The following LIG3 variants were observed in gnomAD, a reference collection of about 807,000 sequenced individuals.
LIG3 encodes ligase II, DNA, ATP-dependent.
Under a neutral mutation model 110.9 loss-of-function variants are expected in LIG3, and 58 were observed. That is an observed-to-expected ratio of 0.52 (90% CI 0.42 to 0.65). The LOEUF is 0.65. LIG3 is among the 30% of genes least tolerant of loss of function. The pLI, the probability that LIG3 is intolerant of heterozygous loss-of-function variation, is 0.00. For synonymous variants in LIG3, 422 were observed against 472.8 expected, an observed-to-expected ratio of 0.89 and a Z score of 1.39; for missense variants, 1,094 against 1,273.8, an observed-to-expected ratio of 0.86 and a Z score of 2.15.
At chr17:35,009,920 G>A (rs2090925214), downstream of LIG3, 1 of 152,620 alleles carries the variant, frequency 6.6e-6, no homozygotes, top group East Asian at 1.9e-4. Flanking sequence ...TAATTGGTAG[G>A]CATTGTAAAC....
chr17:34,991,767 T>G lies in LIG3; in HGVS notation c.1138T>G (p.Phe380Val). 1 of 1,614,050 alleles carries G rather than the reference T, an allele frequency of 6.2e-7. No individual in the cohort carries two copies. Among genetic ancestry groups the G allele is most frequent in the Admixed American group, 1.7e-5 (1 of 60,014 alleles). ...CCTTACCATCCAGGAAGTGGATGAG[T>G]TCCTTCTGCGGCTGTCCAAGCTCAC... is the stretch of plus-strand genomic sequence containing the variant. ...SLLTIQEVDE[F>V]LLRLSKLTKE... Residue 380 changes from phenylalanine (F) to valine (V), a missense_variant, in exon 6 of 20, where the codon TTC becomes GTC. Phe to Val is a conservative substitution (Grantham distance 50, BLOSUM62 -1). Transcript: ENST00000378526.
At chr17:35,002,202 C>A in intron 18 of LIG3, 98 bp downstream of exon 18, 1 of 1,061,414 alleles carries the variant, frequency 9.4e-7, no homozygotes, top group East Asian at 2.6e-5. Flanking sequence ...CCTGAGATCT[C>A]ATGATTATCT....
chr17:35,000,608 CTTTTTTTTTTTT>C (rs57663136), intron 16 of LIG3, among the ~76,000 whole-genome samples: 1 of 80,406 alleles, frequency 1.2e-5, no homozygotes. Context: ...TTGGGAGATA[CTTTTTTTTTTTT>C]TTTTTTTTTT....
intron 19 of LIG3, 178 bp from the exon 20 acceptor site, chr17:35,004,095 G>A: frequency 1.7e-6 from 1 of 602,568 alleles, no homozygotes; most frequent in East Asian, 2.8e-5. Context: ...GGGCGTGTCA[G>A]TCCTGTATAA....
rs756915471 is a variant in LIG3, at chr17:35,005,655, T to C, written c.*1149T>C. 4.6e-5 allele frequency: 26 copies of C among 568,566 alleles called. No individual in the cohort carries two copies. Among genetic ancestry groups the C allele is most frequent in the Admixed American group, 4.0e-4 (21 of 52,664 alleles). The allele number at this position is 568,566 out of a possible 1,614,324, so 35.2% of individuals were successfully genotyped here. On this transcript the variant is annotated 3_prime_UTR_variant, in exon 20 of 20. Transcript: ENST00000378526. ...AACTCAATCGATTTTTTTTCTTCTA[T>C]TCATTGGATTCGTCTGTGTCCTACT...
Position 35,004,681 on chromosome 17 carries a change from T to C in LIG3, c.*175T>C. ...AATTAGTTGCTGTGGGTGCCACAGC[T>C]GAAGTCAGTTTGTCTTGCTGGTTTA... On this transcript the variant is annotated 3_prime_UTR_variant, in exon 20 of 20. Transcript: ENST00000378526. The C allele has an allele frequency of 5.1e-6, 3 of 591,964 alleles. No homozygotes were observed. In the South Asian group the frequency reaches 6.4e-5, roughly 13 times the overall value. The allele number at this position is 591,964 out of a possible 1,614,324, so 36.7% of individuals were successfully genotyped here.
At chr17:34,985,961 A>G (rs767076000) in intron 2 of LIG3, 27 bp from the exon 3 acceptor site, 10 of 1,608,228 alleles carry the variant, frequency 6.2e-6, no homozygotes, top group Non-Finnish European at 8.5e-6. Context: ...ACTGAAGGAT[A>G]TTTTATACTC....
intron 14 of LIG3, 83 bp downstream of exon 14, chr17:34,998,810 A>G: frequency 6.7e-7 from 1 of 1,493,654 alleles, no homozygotes; most frequent in African/African-American, 1.4e-5. Flanking sequence ...TACTGGCTTG[A>G]TCTGCCAGCA....
At chr17:34,993,128 A>G (rs935670483) in intron 8 of LIG3, among the ~76,000 whole-genome samples, 1 of 152,212 alleles carries the variant, frequency 6.6e-6, no homozygotes, top group African/African-American at 2.4e-5. Flanking sequence ...TTCCTGTGAC[A>G]GGGTGACTTG....
At chr17:34,996,972 A>G in intron 11 of LIG3, 1 of 289,464 alleles carries the variant, frequency 3.5e-6, no homozygotes, top group Non-Finnish European at 6.6e-6. Context: ...TATTGCAGAG[A>G]AATAGACTGT....
intron 15 of LIG3, 57 bp downstream of exon 15, chr17:34,999,506 G>T: frequency 6.3e-7 from 1 of 1,582,700 alleles, no homozygotes; most frequent in Non-Finnish European, 8.6e-7. Flanking sequence ...CACTGAGACA[G>T]AGGCTGTGCT....
chr17:35,004,245 C>G, intron 19 of LIG3, 28 bp from the exon 20 acceptor site: 1 of 1,575,080 alleles, frequency 6.3e-7, no homozygotes, highest in East Asian at 2.2e-5. Flanking sequence ...GTAGGTCTGA[C>G]CCCACCCTGA....
In LIG3 at chr17:34,999,842, G is replaced by A. The variant is rs762408366; in HGVS notation, c.2317G>A (p.Val773Ile). The change falls in exon 16 of 20, where the codon GTC becomes ATC. Residue 773 changes from valine (V) to isoleucine (I), a missense_variant. By Grantham distance (29) the Val-to-Ile change is conservative. Transcript: ENST00000378526. ...VNKIYYPDFI[V>I]PDPKKAAVWE... is the part of the protein sequence containing the mutation. Reference sequence around the variant, plus strand: ...CAAGATCTACTATCCTGACTTCATCGTCCCAGACCCAAAGGTATCAACCCA... The same window carrying A: ...CAAGATCTACTATCCTGACTTCATCATCCCAGACCCAAAGGTATCAACCCA... 26 of 1,613,746 alleles carry A rather than the reference G, an allele frequency of 1.6e-5. No individual in the cohort carries two copies. Among genetic ancestry groups the A allele is most frequent in the South Asian group, 5.5e-5 (5 of 91,076 alleles).
downstream of LIG3, chr17:35,010,373 T>TCCTC (rs2090928781): frequency 6.6e-6 from 1 of 152,206 alleles, no homozygotes; most frequent in Admixed American, 6.5e-5. Context: ...AACTCTTAAG[T>TCCTC]CCTCCAGCTC....
chr17:34,988,059 G>A (rs950609745), intron 3 of LIG3, among the ~76,000 whole-genome samples: 1 of 151,826 alleles, frequency 6.6e-6, no homozygotes, highest in Non-Finnish European at 1.5e-5. Context: ...CGGGCGTGGT[G>A]GCAGGCACCT....
intron 3 of LIG3, 48 bp from the exon 4 acceptor site, chr17:34,989,418 T>G: frequency 6.5e-7 from 1 of 1,534,198 alleles, no homozygotes; most frequent in Non-Finnish European, 9.0e-7. Flanking sequence ...TCCCTTTCTT[T>G]CTTCTCAGAA....
At position 35,008,138 on chromosome 17, in the gene LIG3, T is replaced by C. The variant is rs2090908699; in HGVS notation, c.*3632T>C. 1 of 152,272 alleles carries C rather than the reference T, an allele frequency of 6.6e-6. No individual in the cohort carries two copies. The allele number at this position is 152,272 out of a possible 1,614,324, so 9.4% of individuals were successfully genotyped here. On this transcript the variant is annotated 3_prime_UTR_variant, in exon 20 of 20. Coordinates refer to ENST00000378526, the MANE Select transcript of LIG3 (RefSeq NM_013975.4). ...GGTAACCTGAAGACCTAACTGGGCA[T>C]ACTAACTGTCCTCAGATTTCAGTTC...
chr17:34,994,293 C>G lies in LIG3; in HGVS notation c.1473C>G (p.Ser491=), dbSNP rs777503985. The change falls in exon 9 of 20, where the codon TCC becomes TCG. Residue 491 remains serine (S), a synonymous_variant. Coordinates refer to ENST00000378526, the MANE Select transcript of LIG3 (RefSeq NM_013975.4). ...ACCCCAAGGCGGAGGCCTGCAAGTC[C>G]GTTGAGTATGCAATGAAGAAATGTC... ...VQPMLAEACK[S]VEYAMKKCPN... The G allele has an allele frequency of 9.9e-6, 16 of 1,613,158 alleles. No homozygotes were observed. The Admixed American group carries it at 2.7e-4, about 27-fold the overall frequency.
chr17:34,994,551 G>A (rs1004688731), intron 9 of LIG3, 120 bp downstream of exon 9: 1 of 1,018,006 alleles, frequency 9.8e-7, no homozygotes, highest in African/African-American at 1.6e-5. Context: ...TTTTTTATTT[G>A]TTGAATGAAT....
Sources: gnomAD v4.1 joint callset for allele counts (sites outside exome capture counted in the v4.1 genomes callset) on GRCh38, gnomAD v4.1.1 for gene constraint, MANE v1.5 for transcripts, NCBI Gene and HGNC (gene_info 2026-07-23, HGNC 2026-07-21) for gene names.